DHRS9: variants seen among roughly 807,000 people sequenced by gnomAD.
The protein encoded by DHRS9 is dehydrogenase/reductase SDR family member 9.
DHRS9 carries 18 observed loss-of-function variants against 26.6 expected under a neutral mutation model. The observed-to-expected ratio is 0.68, with a 90% CI of 0.47 to 1.00. The LOEUF (loss-of-function observed/expected upper bound fraction) is 1.00. DHRS9 is among the 50% of genes least tolerant of loss of function. The pLI, the probability that DHRS9 is intolerant of heterozygous loss-of-function variation, is 0.00. For missense variants in DHRS9, 425 were observed against 378.7 expected, an observed-to-expected ratio of 1.12 and a Z score of -1.01; for synonymous variants, 134 against 141.1, an observed-to-expected ratio of 0.95 and a Z score of 0.36.
chr2:169,079,881 GAA>G (rs1491282568), intron 1 of DHRS9, among the ~76,000 whole-genome samples: 3,132 of 66,190 alleles, frequency 0.047, 309 homozygotes, highest in African/African-American at 0.13. Context: ...AAGAAAGAAA[GAA>G]AGAGAGAGAG....
chr2:169,081,688 G>A lies in DHRS9; in HGVS notation c.107G>A (p.Gly36Glu). The A allele has an allele frequency of 1.2e-6, 2 of 1,614,148 alleles. No individual in the cohort carries two copies. Among genetic ancestry groups the A allele is most frequent in the Non-Finnish European group, 1.7e-6 (2 of 1,180,022 alleles). The change falls in exon 2 of 5, where the codon GGA becomes GAA. Residue 36 changes from glycine to glutamate, a missense_variant. Transcript: ENST00000674881. Reference sequence around the variant, plus strand: ...ACTGATAAGTACATTTTTATCACTGGATGTGACTCGGGCTTTGGAAACTTG... The same window carrying A: ...ACTGATAAGTACATTTTTATCACTGAATGTGACTCGGGCTTTGGAAACTTG... ...DITDKYIFIT[G>E]CDSGFGNLAA...
intron 1 of DHRS9, chr2:169,070,844 C>T (rs1020084081): frequency 3.0e-6 from 2 of 657,034 alleles, no homozygotes; most frequent in African/African-American, 3.9e-5. Flanking sequence ...GCCGGCGGAT[C>T]ACAAGGTCAG....
intron 4 of DHRS9, among the ~76,000 whole-genome samples, chr2:169,093,965 G>T (rs1684616024): frequency 6.6e-6 from 1 of 152,192 alleles, no homozygotes; most frequent in African/African-American, 2.4e-5. Context: ...AAAAGTATGT[G>T]AGAATCATAT....
chr2:169,067,254 G>T (rs141954778), upstream of DHRS9: 8 of 1,535,502 alleles, frequency 5.2e-6, no homozygotes, highest in South Asian at 5.9e-5. Context: ...ACCCACCACA[G>T]CCTGCACACT....
At chr2:169,076,514 C>A (rs1683966933) in intron 1 of DHRS9, among the ~76,000 whole-genome samples, 1 of 152,152 alleles carries the variant, frequency 6.6e-6, no homozygotes, top group South Asian at 2.1e-4. Flanking sequence ...TAGAAAGTTA[C>A]CTATCCATTT....
intron 1 of DHRS9, among the ~76,000 whole-genome samples, chr2:169,076,714 G>A (rs950143401): frequency 6.6e-6 from 1 of 152,144 alleles, no homozygotes; most frequent in Non-Finnish European, 1.5e-5. Flanking sequence ...AGGGATTGGG[G>A]CGCCAGTGCC....
chr2:169,077,604 C>T lies in DHRS9; in HGVS notation c.-59-3919C>T, dbSNP rs34824338. 0.012 allele frequency among the ~76,000 whole-genome samples: 1,756 copies of T among 146,116 alleles called. 53 individuals carry two copies. The East Asian group carries it at 0.13, about 11-fold the overall frequency. Reference sequence around the variant, plus strand: ...ATTGTGCTAAACTTCAATTACAGTTCAGGAAAAAAAAAAAGATGGGATCTT... The same window carrying T: ...ATTGTGCTAAACTTCAATTACAGTTTAGGAAAAAAAAAAAGATGGGATCTT... On this transcript the variant is annotated intron_variant, in intron 1 of 4. Coordinates refer to ENST00000674881, the MANE Select transcript of DHRS9 (RefSeq NM_001376924.1).
intron 2 of DHRS9, 134 bp from the exon 3 acceptor site, chr2:169,083,195 C>T (rs1034350565): frequency 2.2e-5 from 25 of 1,147,432 alleles, no homozygotes; most frequent in African/African-American, 6.2e-5. Flanking sequence ...CCCAAAACTG[C>T]GAAGTATTTC....
chr2:169,079,635 C>T (rs1455334019), intron 1 of DHRS9, among the ~76,000 whole-genome samples: 1 of 151,766 alleles, frequency 6.6e-6, no homozygotes, highest in Non-Finnish European at 1.5e-5. Flanking sequence ...AGGTGGATCA[C>T]CTGAGGCCAG....
chr2:169,071,470 CA>C (rs1488367957), intron 1 of DHRS9, among the ~76,000 whole-genome samples: 9 of 152,126 alleles, frequency 5.9e-5, no homozygotes, highest in Non-Finnish European at 8.8e-5. Flanking sequence ...ACTAAAAATG[CA>C]AAATGTAAAT....
At position 169,091,953 on chromosome 2, in the gene DHRS9, A is replaced by C; in HGVS notation, c.736A>C (p.Ser246Arg). 6.2e-7 allele frequency: 1 copy of C among 1,613,574 alleles called. No homozygotes were observed. The highest frequency in any genetic ancestry group is 1.1e-5 in the South Asian group (1 of 91,042). ...QQYGEGYIEK[S>R]LDKLKGNKSY... ...ATATGGAGAAGGTTACATTGAAAAAAGTGAGTTTCCGGGCGGTGCCAATGT... is the reference window on the plus strand; with the variant it reads ...ATATGGAGAAGGTTACATTGAAAAACGTGAGTTTCCGGGCGGTGCCAATGT... The change falls in exon 4 of 5, where the codon AGT becomes CGT. Residue 246 changes from serine to arginine, a missense_variant and splice_region_variant. Coordinates refer to ENST00000674881, the MANE Select transcript of DHRS9 (RefSeq NM_001376924.1).
rs556829318 is a variant in DHRS9 at position 169,088,972 on chromosome 2, T to C, written c.573-2818T>C. 9.8e-5 allele frequency among the ~76,000 whole-genome samples: 15 copies of C among 152,292 alleles called. No homozygotes were observed. The East Asian group carries it at 2.9e-3, about 29-fold the overall frequency. ...TATAGCTTCATTCCGTGGGAGAGACTGGGGGAAGTGTGCTTAATCCATCTT... is the reference window on the plus strand; with the variant it reads ...TATAGCTTCATTCCGTGGGAGAGACCGGGGGAAGTGTGCTTAATCCATCTT... On this transcript the variant is annotated intron_variant, in intron 3 of 4. Coordinates refer to ENST00000674881, the MANE Select transcript of DHRS9 (RefSeq NM_001376924.1).
chr2:169,069,801 T>C, intron 1 of DHRS9, 84 bp downstream of exon 1: 1 of 969,922 alleles, frequency 1.0e-6, no homozygotes, highest in Non-Finnish European at 1.2e-6. Flanking sequence ...TCTTGCAGAA[T>C]GAATCGGTGG....
In DHRS9 at chr2:169,084,135, C is replaced by T. The variant is rs148028228; in HGVS notation, c.572+548C>T. ...CTTGTTTTACTTAACATAATGACCA[C>T]CAGTTCCATCCAAGTTGTTGCAAAT... is the stretch of plus-strand genomic sequence containing the variant. On this transcript the variant is annotated intron_variant, in intron 3 of 4. Coordinates refer to ENST00000674881, the MANE Select transcript of DHRS9 (RefSeq NM_001376924.1). Among the ~76,000 whole-genome samples, 10 of 152,236 alleles carry T rather than the reference C, an allele frequency of 6.6e-5. No individual in the cohort carries two copies. The East Asian group carries it at 1.9e-3, about 29-fold the overall frequency.
chr2:169,081,376 C>A (rs1684175853), intron 1 of DHRS9, 147 bp from the exon 2 acceptor site: 1 of 1,118,216 alleles, frequency 8.9e-7, no homozygotes, highest in Non-Finnish European at 1.2e-6. Flanking sequence ...GGCCATCTTC[C>A]CAACAAACAA....
At chr2:169,091,726 C>T (rs1316240505) in intron 3 of DHRS9, 64 bp from the exon 4 acceptor site, 2 of 1,513,792 alleles carry the variant, frequency 1.3e-6, no homozygotes, top group African/African-American at 1.4e-5. Flanking sequence ...AAAATAGTCA[C>T]TCAAATAGCA....
intron 1 of DHRS9, among the ~76,000 whole-genome samples, chr2:169,078,167 A>G (rs565175720): frequency 6.6e-6 from 1 of 152,334 alleles, no homozygotes; most frequent in South Asian, 2.1e-4. Flanking sequence ...CCAGTTTCTA[A>G]GGCAAATAAT....
intron 3 of DHRS9, among the ~76,000 whole-genome samples, chr2:169,091,537 A>G (rs1421480559): frequency 6.6e-6 from 1 of 152,232 alleles, no homozygotes; most frequent in Non-Finnish European, 1.5e-5. Context: ...CACTCTAGGA[A>G]GAACAACAGT....
upstream of DHRS9, among the ~76,000 whole-genome samples, chr2:169,069,155 C>G (rs184906343): frequency 3.7e-3 from 569 of 152,228 alleles, 3 homozygotes; most frequent in Admixed American, 4.8e-3. Context: ...ACACCAATCT[C>G]AGAGACTGAT....
Sources: gnomAD v4.1 joint callset for allele counts (sites outside exome capture counted in the v4.1 genomes callset) on GRCh38, gnomAD v4.1.1 for gene constraint, MANE v1.5 for transcripts, NCBI Gene and HGNC (gene_info 2026-07-23, HGNC 2026-07-21) for gene names.